C8orf34: variants seen among roughly 807,000 people sequenced by gnomAD.
The protein encoded by C8orf34 is uncharacterized protein C8orf34.
C8orf34 carries 65 observed loss-of-function variants against 68.3 expected under a neutral mutation model. That is an observed-to-expected ratio of 0.95 (90% confidence interval 0.78 to 1.17). The LOEUF (loss-of-function observed/expected upper bound fraction) is 1.17. Ranked by LOEUF, C8orf34 falls within the 50% of genes most tolerant of loss-of-function variation. C8orf34 has a pLI of 0.00. For synonymous variants in C8orf34, 244 were observed against 241.2 expected (o/e 1.01, Z -0.11); for missense variants, 664 against 655.4 (o/e 1.01, Z -0.14).
chr8:68,708,422 T>C (rs535607667), intron 8 of C8orf34, among the ~76,000 whole-genome samples: 3 of 152,324 alleles, frequency 2.0e-5, no homozygotes, highest in Non-Finnish European at 2.9e-5. Flanking sequence ...GAACCCAGTA[T>C]AGTTATAAAT....
chr8:68,640,061 AG>A (rs1818959255), intron 7 of C8orf34, among the ~76,000 whole-genome samples: 1 of 152,266 alleles, frequency 6.6e-6, no homozygotes, highest in South Asian at 2.1e-4. Context: ...ATTGCTGCAG[AG>A]GTTATAGTTT....
chr8:68,539,867 T>A (rs910331207), intron 7 of C8orf34, among the ~76,000 whole-genome samples: 50 of 151,532 alleles, frequency 3.3e-4, no homozygotes, highest in Admixed American at 2.0e-3. Context: ...AAAAAAAAAA[T>A]TATTGAAGTT....
chr8:68,744,407 A>C (rs1309341671), intron 10 of C8orf34, among the ~76,000 whole-genome samples: 1 of 152,250 alleles, frequency 6.6e-6, no homozygotes, highest in Non-Finnish European at 1.5e-5. Flanking sequence ...GAGCTGAGAG[A>C]AGAAGGCTTC....
chr8:68,697,794 C>T (rs911535298), intron 8 of C8orf34, among the ~76,000 whole-genome samples: 9 of 152,074 alleles, frequency 5.9e-5, no homozygotes, highest in East Asian at 1.9e-4. Context: ...GGGGAACTTT[C>T]GTCCAATTTA....
intron 7 of C8orf34, among the ~76,000 whole-genome samples, chr8:68,577,995 C>T (rs559618833): frequency 1.3e-5 from 2 of 151,446 alleles, no homozygotes; most frequent in African/African-American, 2.4e-5. Context: ...TTTTCCATTT[C>T]ATTTTCCACC....
intron 8 of C8orf34, among the ~76,000 whole-genome samples, chr8:68,679,537 T>C (rs937548008): frequency 1.3e-5 from 2 of 152,102 alleles, no homozygotes; most frequent in Non-Finnish European, 2.9e-5. Flanking sequence ...TCTATCATAA[T>C]ACCAATGATA....
At chr8:68,563,517 GT>G (rs1816495715) in intron 7 of C8orf34, among the ~76,000 whole-genome samples, 2 of 152,238 alleles carry the variant, frequency 1.3e-5, no homozygotes, top group South Asian at 2.1e-4. Flanking sequence ...TTTAAAAGGT[GT>G]TTTCTTCTTT....
intron 3 of C8orf34, among the ~76,000 whole-genome samples, chr8:68,449,299 A>C (rs1811246533): frequency 6.6e-6 from 1 of 152,170 alleles, no homozygotes; most frequent in African/African-American, 2.4e-5. Flanking sequence ...AATTAACATA[A>C]GATTAACCAT....
chr8:68,731,525 T>C (rs1366925290), intron 10 of C8orf34, among the ~76,000 whole-genome samples: 2 of 152,216 alleles, frequency 1.3e-5, no homozygotes, highest in Non-Finnish European at 2.9e-5. Flanking sequence ...TTAAACTCTT[T>C]AAAATTGAAT....
intron 7 of C8orf34, among the ~76,000 whole-genome samples, chr8:68,585,955 A>G (rs993932535): frequency 1.3e-5 from 2 of 152,100 alleles, no homozygotes; most frequent in Non-Finnish European, 2.9e-5. Context: ...CAGCCCTGGT[A>G]CAATGCAGGT....
At chr8:68,713,727 T>C (rs1821390496) in intron 9 of C8orf34, among the ~76,000 whole-genome samples, 1 of 152,054 alleles carries the variant, frequency 6.6e-6, no homozygotes, top group African/African-American at 2.4e-5. Context: ...TATCAGACAA[T>C]TCAAAGAAGA....
At chr8:68,747,419 C>T (rs1412039490) in intron 10 of C8orf34, among the ~76,000 whole-genome samples, 1 of 148,796 alleles carries the variant, frequency 6.7e-6, no homozygotes, top group Non-Finnish European at 1.5e-5. Flanking sequence ...AAAGGGTATT[C>T]AAATAGGAAA....
chr8:68,460,092 C>A (rs1811732588), intron 3 of C8orf34, among the ~76,000 whole-genome samples: 1 of 152,210 alleles, frequency 6.6e-6, no homozygotes, highest in Non-Finnish European at 1.5e-5. Context: ...CACCCTAATA[C>A]TGTGCTTTTC....
At chr8:68,679,246 CA>C (rs1378539384) in intron 8 of C8orf34, among the ~76,000 whole-genome samples, 1 of 152,060 alleles carries the variant, frequency 6.6e-6, no homozygotes, top group Non-Finnish European at 1.5e-5. Context: ...AAGATCCCAC[CA>C]CTGCACTCCA....
chr8:68,811,875 A>G (rs1824662477), intron 12 of C8orf34, among the ~76,000 whole-genome samples: 1 of 152,220 alleles, frequency 6.6e-6, no homozygotes. Context: ...AGAATACAGA[A>G]TTAGTAAGTG....
intron 1 of C8orf34, among the ~76,000 whole-genome samples, chr8:68,355,426 G>T (rs1247884798): frequency 6.6e-6 from 1 of 152,132 alleles, no homozygotes; most frequent in African/African-American, 2.4e-5. Context: ...ACCTAATGGG[G>T]ACACTGTGAG....
At chr8:68,426,518 C>CAAAAAAAAAAAAAAAAAAAAAAAAAA (rs753578060) in intron 1 of C8orf34, among the ~76,000 whole-genome samples, 3 of 29,610 alleles carry the variant, frequency 1.0e-4, no homozygotes, top group African/African-American at 2.1e-4. Context: ...GACCTTGTCT[C>CAAAAAAAAAAAAAAAAAAAAAAAAAA]AAAAAAAAAA....
chr8:68,554,372 CA>C (rs1816184498), intron 7 of C8orf34, among the ~76,000 whole-genome samples: 1 of 152,070 alleles, frequency 6.6e-6, no homozygotes, highest in Non-Finnish European at 1.5e-5. Flanking sequence ...TGATTTCTAA[CA>C]GTTTCTTTAA....
intron 7 of C8orf34, among the ~76,000 whole-genome samples, chr8:68,599,843 G>T (rs1432160577): frequency 1.3e-5 from 2 of 151,630 alleles, no homozygotes; most frequent in Non-Finnish European, 3.0e-5. Context: ...AAGATGAAAA[G>T]ACAAAAAAGT....
Sources: allele counts gnomAD v4.1 joint callset (sites outside exome capture counted in the v4.1 genomes callset), GRCh38; gene constraint gnomAD v4.1.1; transcripts MANE v1.5; gene names NCBI Gene and HGNC (gene_info 2026-07-23, HGNC 2026-07-21).